The following ENAH variants were observed in gnomAD, a reference collection of about 807,000 sequenced individuals.
The protein encoded by ENAH is ENAH actin regulator.
Under a neutral mutation model 78.7 loss-of-function variants are expected in ENAH, and 23 were observed. The ratio of observed to expected loss-of-function variants is 0.29; its 90% confidence interval spans 0.21 to 0.41. ENAH has a LOEUF of 0.41. ENAH is among the 10% of genes least tolerant of loss of function. The probability of loss-of-function intolerance (pLI) is 1.00; values close to 1 mark genes in which losing one functional copy is unlikely to be tolerated. For missense variants in ENAH, 544 were observed against 691.0 expected (o/e 0.79, Z 2.39); for synonymous variants, 226 against 241.0 (o/e 0.94, Z 0.58).
intron 1 of ENAH, among the ~76,000 whole-genome samples, chr1:225,581,981 T>C (rs868092833): frequency 2.6e-4 from 40 of 152,006 alleles, no homozygotes; most frequent in Admixed American, 5.9e-4. Flanking sequence ...CTATATGAAA[T>C]GTATGGTTTG....
chr1:225,504,935 T>C, intron 11 of ENAH: 5 of 1,394,900 alleles, frequency 3.6e-6, no homozygotes, highest in Non-Finnish European at 5.0e-6. Context: ...AGCTCAGCCC[T>C]ATCCTGAACA....
intron 1 of ENAH, among the ~76,000 whole-genome samples, chr1:225,611,072 T>C (rs1228775766): frequency 6.6e-6 from 1 of 152,184 alleles, no homozygotes. Context: ...GGGTTACTCT[T>C]TGGTGAAAGA....
rs1454539326 is a variant in ENAH at position 225,495,457 on chromosome 1, T to C, written c.*2318A>G. On this transcript the variant is annotated 3_prime_UTR_variant, in exon 14 of 14. Coordinates refer to ENST00000366843, the MANE Select transcript of ENAH (RefSeq NM_018212.6). ...GAAATATAGCATGATTCAACACTGG[T>C]TTTTTTTTTTTTTTTTTTTTGTCAG... The C allele has an allele frequency of 1.4e-4, 1 of 7,096 alleles. No homozygotes were observed. The highest frequency in any genetic ancestry group is 5.1e-3 in the East Asian group (1 of 196). The allele number at this position is 7,096 out of a possible 1,614,324, so 0.4% of individuals were successfully genotyped here. A position where few individuals can be genotyped will look rare whatever the true frequency, so the allele number is the denominator to read the frequency against.
At position 225,545,566 on chromosome 1, in the gene ENAH, T is replaced by C. The variant is rs997374975; in HGVS notation, c.349+9340A>G. On this transcript the variant is annotated intron_variant, in intron 3 of 13. Coordinates refer to ENST00000366843, the MANE Select transcript of ENAH (RefSeq NM_018212.6). ...ATAACTATTTCTCAGAACAAAAATATTAAGTGATTAGAATGCCATGGTTTT... is the reference window on the plus strand; with the variant it reads ...ATAACTATTTCTCAGAACAAAAATACTAAGTGATTAGAATGCCATGGTTTT... Among the ~76,000 whole-genome samples the C allele has an allele frequency of 1.3e-5, 2 of 152,346 alleles. 1 individual carries two copies. The highest frequency in any genetic ancestry group is 4.1e-4 in the South Asian group (2 of 4,834).
intron 1 of ENAH, among the ~76,000 whole-genome samples, chr1:225,623,812 C>T (rs1657449363): frequency 6.6e-6 from 1 of 152,054 alleles, no homozygotes; most frequent in Non-Finnish European, 1.5e-5. Context: ...GATGGTCTCG[C>T]TCTCCTGACC....
chr1:225,573,366 T>C (rs2151555431), intron 1 of ENAH, among the ~76,000 whole-genome samples: 1 of 152,302 alleles, frequency 6.6e-6, no homozygotes, highest in Non-Finnish European at 1.5e-5. Flanking sequence ...ATTCTCTCTG[T>C]GGTTCCCAAA....
chr1:225,536,102 T>A (rs2151293680), intron 3 of ENAH, among the ~76,000 whole-genome samples: 1 of 152,256 alleles, frequency 6.6e-6, no homozygotes, highest in East Asian at 1.9e-4. Context: ...AATAAGAATA[T>A]CTTTGGTTTG....
At chr1:225,555,190 T>G in intron 2 of ENAH, 107 bp from the exon 3 acceptor site, 4 of 906,114 alleles carry the variant, frequency 4.4e-6, no homozygotes, top group Non-Finnish European at 6.2e-6. Context: ...CTAACAGACC[T>G]TGGCAAAAAT....
At chr1:225,540,910 G>C (rs2096585594) in intron 3 of ENAH, among the ~76,000 whole-genome samples, 1 of 152,084 alleles carries the variant, frequency 6.6e-6, no homozygotes, top group Admixed American at 6.5e-5. Flanking sequence ...TGCCATGCAT[G>C]ATAAATGCTA....
chr1:225,524,575 G>A (rs1012398113), intron 4 of ENAH: 28 of 983,880 alleles, frequency 2.8e-5, no homozygotes, highest in South Asian at 4.7e-5. Flanking sequence ...TTACAAAGCC[G>A]CTGAGGCAAG....
intron 1 of ENAH, among the ~76,000 whole-genome samples, chr1:225,576,388 G>A (rs1417430522): frequency 6.6e-6 from 1 of 151,858 alleles, no homozygotes; most frequent in African/African-American, 2.4e-5. Flanking sequence ...AAATTGATAT[G>A]TGAGTATACA....
chr1:225,535,438 A>G (rs1481296914), intron 3 of ENAH: 1 of 1,060,896 alleles, frequency 9.4e-7, no homozygotes, highest in African/African-American at 1.6e-5. Flanking sequence ...AAGAAAACAA[A>G]AGTTATGGAA....
rs577572651 is a variant in ENAH at position 225,637,276 on chromosome 1, CTG to C, written c.5+15408_5+15409del. Among the ~76,000 whole-genome samples, 122 of 152,262 alleles carry C rather than the reference CTG, an allele frequency of 8.0e-4. 1 individual carries two copies. Among genetic ancestry groups the C allele is most frequent in the South Asian group, 7.0e-3 (34 of 4,826 alleles). On this transcript the variant is annotated intron_variant, in intron 1 of 13. Transcript: ENST00000366843. ...AGGCTGGAGTGAAGTGGTGCAATCT[CTG>C]CTCACTGCAACCTCTGTCTCCCGGG...
chr1:225,602,773 G>GA, intron 1 of ENAH, among the ~76,000 whole-genome samples: 1 of 152,130 alleles, frequency 6.6e-6, no homozygotes, highest in South Asian at 2.1e-4. Flanking sequence ...AAGAAAGAGA[G>GA]AAAACTGTCA....
Position 225,488,682 on chromosome 1 carries a change from A to AT in ENAH, c.*9092dup, listed in dbSNP as rs2096209839. On this transcript the variant is annotated 3_prime_UTR_variant, in exon 14 of 14. Transcript: ENST00000366843. ...AAAAGAAAAGCACCTAACGAAAAGC[A>AT]TGTCCTATTCATGCTAGCAAGAAAT... 1 of 152,246 alleles carries AT rather than the reference A, an allele frequency of 6.6e-6. No individual in the cohort carries two copies. The highest frequency in any genetic ancestry group is 2.4e-5 in the African/African-American group (1 of 41,470). The allele number at this position is 152,246 out of a possible 1,614,324, so 9.4% of individuals were successfully genotyped here.
intron 1 of ENAH, among the ~76,000 whole-genome samples, chr1:225,620,038 T>C (rs572842130): frequency 1.3e-5 from 2 of 152,252 alleles, no homozygotes; most frequent in South Asian, 2.1e-4. Context: ...ATACGATGCA[T>C]TAAATGGCCT....
chr1:225,537,808 A>T (rs2096569421), intron 3 of ENAH, among the ~76,000 whole-genome samples: 1 of 151,470 alleles, frequency 6.6e-6, no homozygotes, highest in African/African-American at 2.4e-5. Flanking sequence ...CCTTTAACAT[A>T]CTTTACCATT....
At chr1:225,639,539 C>T (rs1660644665) in intron 1 of ENAH, among the ~76,000 whole-genome samples, 1 of 152,116 alleles carries the variant, frequency 6.6e-6, no homozygotes, top group Non-Finnish European at 1.5e-5. Flanking sequence ...CTCTGAGATG[C>T]CTTCCACCAT....
At chr1:225,553,775 C>T (rs561842771) in intron 3 of ENAH, among the ~76,000 whole-genome samples, 1 of 152,120 alleles carries the variant, frequency 6.6e-6, no homozygotes, top group Non-Finnish European at 1.5e-5. Flanking sequence ...ACACACCAGG[C>T]CAAGTTCTAG....
Sources: allele counts gnomAD v4.1 joint callset (sites outside exome capture counted in the v4.1 genomes callset), GRCh38; gene constraint gnomAD v4.1.1; transcripts MANE v1.5; gene names NCBI Gene and HGNC (gene_info 2026-07-23, HGNC 2026-07-21).